The following ZMAT4 variants were observed in gnomAD, a reference collection of about 807,000 sequenced individuals.
The protein encoded by ZMAT4 is zinc finger matrin-type protein 4.
A neutral mutation model predicts 28.7 loss-of-function variants in ZMAT4; 17 were observed. That is an observed-to-expected ratio of 0.59 (90% confidence interval 0.41 to 0.89). The LOEUF is 0.89. Ranked by LOEUF, ZMAT4 falls within the 40% of genes least tolerant of loss-of-function variation. The pLI is 0.00. For missense variants in ZMAT4, 240 were observed against 283.8 expected (o/e 0.85, Z 1.11); for synonymous variants, 117 against 109.2 (o/e 1.07, Z -0.44).
chr8:40,656,202 A>G (rs1408754903), intron 5 of ZMAT4, among the ~76,000 whole-genome samples: 3 of 152,112 alleles, frequency 2.0e-5, no homozygotes, highest in Admixed American at 2.0e-4. Context: ...GAAAAGACAC[A>G]ATCTCATTAG....
intron 4 of ZMAT4, among the ~76,000 whole-genome samples, chr8:40,687,138 T>A (rs1809445476): frequency 6.6e-6 from 1 of 152,064 alleles, no homozygotes; most frequent in African/African-American, 2.4e-5. Context: ...GGCAGAGAGA[T>A]GATATGAGGA....
At chr8:40,560,571 G>T (rs1164518913) in intron 6 of ZMAT4, among the ~76,000 whole-genome samples, 1 of 151,828 alleles carries the variant, frequency 6.6e-6, no homozygotes, top group Non-Finnish European at 1.5e-5. Flanking sequence ...CTTGTGTCTT[G>T]TGTCACTTGT....
chr8:40,747,089 G>C (rs34956556), intron 3 of ZMAT4, among the ~76,000 whole-genome samples: 13,804 of 152,202 alleles, frequency 0.091, 812 homozygotes, highest in Middle Eastern at 0.17. Flanking sequence ...CACTACTTAT[G>C]CTATGCCAGA....
intron 5 of ZMAT4, among the ~76,000 whole-genome samples, chr8:40,662,753 TTC>T (rs1808254901): frequency 6.6e-6 from 1 of 152,188 alleles, no homozygotes; most frequent in South Asian, 2.1e-4. Flanking sequence ...CTCATTACAT[TTC>T]TGTTTTTCCT....
intron 2 of ZMAT4, among the ~76,000 whole-genome samples, chr8:40,818,493 C>T (rs1815630626): frequency 6.6e-6 from 1 of 152,172 alleles, no homozygotes; most frequent in South Asian, 2.1e-4. Flanking sequence ...ACAAATGTAC[C>T]AATAACTGTA....
intron 3 of ZMAT4, among the ~76,000 whole-genome samples, chr8:40,714,522 T>A (rs1810761321): frequency 6.6e-6 from 1 of 152,208 alleles, no homozygotes; most frequent in South Asian, 2.1e-4. Flanking sequence ...GATGTATTGT[T>A]GAGCTCATTC....
At chr8:40,594,562 A>C (rs570346549) in intron 5 of ZMAT4, among the ~76,000 whole-genome samples, 2 of 152,310 alleles carry the variant, frequency 1.3e-5, no homozygotes, top group African/African-American at 4.8e-5. Flanking sequence ...CTACTCAAAG[A>C]GTTAATATGA....
intron 6 of ZMAT4, among the ~76,000 whole-genome samples, chr8:40,558,364 G>A (rs756555593): frequency 7.9e-5 from 12 of 152,100 alleles, no homozygotes; most frequent in Non-Finnish European, 1.5e-5. Flanking sequence ...GTCCCCACAG[G>A]GAGCTAGTTA....
chr8:40,588,446 T>G (rs1034316355), intron 5 of ZMAT4, among the ~76,000 whole-genome samples: 6 of 152,178 alleles, frequency 3.9e-5, no homozygotes, highest in African/African-American at 7.2e-5. Flanking sequence ...ACAATCTAAT[T>G]TTTTTAAAGG....
At chr8:40,619,283 C>T (rs1361367772) in intron 5 of ZMAT4, among the ~76,000 whole-genome samples, 1 of 152,162 alleles carries the variant, frequency 6.6e-6, no homozygotes, top group Non-Finnish European at 1.5e-5. Flanking sequence ...ACAGGATCAG[C>T]CTCTTTTATG....
chr8:40,650,202 G>A (rs181746871), intron 5 of ZMAT4, among the ~76,000 whole-genome samples: 1 of 152,016 alleles, frequency 6.6e-6, no homozygotes, highest in African/African-American at 2.4e-5. Flanking sequence ...GAAAAAAAGA[G>A]GGAAGAATCA....
intron 2 of ZMAT4, among the ~76,000 whole-genome samples, chr8:40,816,440 G>C (rs551406195): frequency 6.6e-6 from 1 of 152,198 alleles, no homozygotes; most frequent in East Asian, 1.9e-4. Flanking sequence ...GCCAGAATTA[G>C]CCTGCCTTGT....
rs142118309 is a variant in ZMAT4, at chr8:40,631,666, C to T, written c.577+43038G>A. Among the ~76,000 whole-genome samples, 87 of 152,248 alleles carry T rather than the reference C, an allele frequency of 5.7e-4. No individual in the cohort carries two copies. In the East Asian group the frequency reaches 0.015, roughly 27 times the overall value. On this transcript the variant is annotated intron_variant, in intron 5 of 6. Coordinates refer to ENST00000297737, the MANE Select transcript of ZMAT4 (RefSeq NM_024645.3). The stretch of plus-strand genomic sequence containing the variant: ...AATCACATTCTTTAATACTTTTTGA[C>T]ACAGAAGCAACATAATGGTACCATG...
At chr8:40,682,625 G>T (rs1809225663) in intron 4 of ZMAT4, among the ~76,000 whole-genome samples, 1 of 152,152 alleles carries the variant, frequency 6.6e-6, no homozygotes, top group South Asian at 2.1e-4. Flanking sequence ...CAAAATACAT[G>T]CCATTTCACA....
chr8:40,677,881 C>A (rs1324888448), intron 4 of ZMAT4, among the ~76,000 whole-genome samples: 1 of 151,942 alleles, frequency 6.6e-6, no homozygotes, highest in African/African-American at 2.4e-5. Context: ...CTTTACCTGC[C>A]CTTTATATAG....
intron 3 of ZMAT4, among the ~76,000 whole-genome samples, chr8:40,766,997 T>C (rs1813184952): frequency 6.6e-6 from 1 of 152,156 alleles, no homozygotes; most frequent in Non-Finnish European, 1.5e-5. Context: ...TGGATATGAA[T>C]ATTCTACTCA....
chr8:40,865,129 C>G (rs917711975), intron 1 of ZMAT4, among the ~76,000 whole-genome samples: 23 of 152,142 alleles, frequency 1.5e-4, no homozygotes, highest in African/African-American at 3.9e-4. Context: ...CATATCTCAG[C>G]AAAAGTGAGG....
chr8:40,885,953 T>C (rs999791570), intron 1 of ZMAT4, among the ~76,000 whole-genome samples: 2 of 152,194 alleles, frequency 1.3e-5, no homozygotes, highest in Non-Finnish European at 2.9e-5. Context: ...TCTCCCCCAC[T>C]TGAATCTAAG....
chr8:40,799,207 GTGGA>G lies in ZMAT4; in HGVS notation c.102+26364_102+26367del, dbSNP rs371951408. 6.0e-3 allele frequency among the ~76,000 whole-genome samples: 437 copies of G among 72,606 alleles called. 2 individuals carry two copies. Among genetic ancestry groups the G allele is most frequent in the African/African-American group, 0.017 (395 of 22,574 alleles). 47.6% of individuals were successfully genotyped at this position (72,606 alleles called of 152,430 possible). ...GAGAGACAGAGAGAAGGATAGATGG[GTGGA>G]TGGATGGATGGATGGATAGATAGAT... On this transcript the variant is annotated intron_variant, in intron 2 of 6. Coordinates refer to ENST00000297737, the MANE Select transcript of ZMAT4 (RefSeq NM_024645.3).
Sources: allele counts gnomAD v4.1 joint callset (sites outside exome capture counted in the v4.1 genomes callset), GRCh38; gene constraint gnomAD v4.1.1; transcripts MANE v1.5; gene names NCBI Gene and HGNC (gene_info 2026-07-23, HGNC 2026-07-21).